The following ANKFN1 variants were observed in gnomAD, a reference collection of about 807,000 sequenced individuals.
The protein encoded by ANKFN1 is ankyrin repeat and fibronectin type III domain containing 1, also known as ankyrin repeat and fibronectin type-III domain-containing protein 1.
ANKFN1 carries 74 observed loss-of-function variants against 108.7 expected under a neutral mutation model. That is an observed-to-expected ratio of 0.68 (90% CI 0.56 to 0.83). ANKFN1 has a LOEUF of 0.83. Ranked by LOEUF, ANKFN1 falls within the 40% of genes least tolerant of loss-of-function variation. The probability of loss-of-function intolerance (pLI) is 0.00; values close to 1 mark genes in which losing one functional copy is unlikely to be tolerated. For synonymous variants in ANKFN1, 547 were observed against 516.2 expected (o/e 1.06, Z -0.81); for missense variants, 1,505 against 1,382.3 (o/e 1.09, Z -1.41).
intron 4 of ANKFN1, among the ~76,000 whole-genome samples, chr17:56,330,145 T>C (rs34788074): frequency 0.5 from 75,896 of 152,074 alleles, 19,336 homozygotes; most frequent in Middle Eastern, 0.57. Context: ...CTCACACTGC[T>C]ACTAAATGAA....
intron 1 of ANKFN1, among the ~76,000 whole-genome samples, chr17:56,184,142 G>C (rs1163920867): frequency 1.3e-5 from 2 of 152,120 alleles, no homozygotes; most frequent in African/African-American, 4.8e-5. Context: ...GTTCTGCTGT[G>C]GGTAAAATGC....
chr17:56,391,137 G>A (rs1273646376), intron 8 of ANKFN1, among the ~76,000 whole-genome samples: 3 of 149,090 alleles, frequency 2.0e-5, no homozygotes, highest in Non-Finnish European at 3.0e-5. Context: ...AAACCAAGCT[G>A]CACATTGGAA....
intron 4 of ANKFN1, among the ~76,000 whole-genome samples, chr17:56,347,100 A>AT (rs2046125186): frequency 6.6e-6 from 1 of 151,522 alleles, no homozygotes; most frequent in African/African-American, 2.4e-5. Flanking sequence ...ATTAATCTTT[A>AT]TTCCACCCTT....
intron 3 of ANKFN1, among the ~76,000 whole-genome samples, chr17:56,288,154 C>T (rs2044266962): frequency 1.3e-5 from 2 of 151,824 alleles, no homozygotes; most frequent in African/African-American, 4.8e-5. Context: ...TCATACAGCA[C>T]AAAAAATGAA....
At chr17:56,336,847 G>T (rs969570433) in intron 4 of ANKFN1, among the ~76,000 whole-genome samples, 3 of 152,112 alleles carry the variant, frequency 2.0e-5, no homozygotes, top group African/African-American at 7.2e-5. Context: ...GCTTTCTCTT[G>T]TGGGCATTTA....
chr17:56,131,542 T>G (rs1403183826), intron 4 of ANKFN1, among the ~76,000 whole-genome samples: 2 of 152,244 alleles, frequency 1.3e-5, no homozygotes, highest in Non-Finnish European at 2.9e-5. Flanking sequence ...TAGAGTTTGG[T>G]CTGTTCTAGT....
chr17:56,389,200 C>T (rs1172480375), intron 8 of ANKFN1, among the ~76,000 whole-genome samples: 1 of 152,106 alleles, frequency 6.6e-6, no homozygotes, highest in African/African-American at 2.4e-5. Context: ...GTGGTATATC[C>T]ATACCATGGA....
intron 4 of ANKFN1, among the ~76,000 whole-genome samples, chr17:56,052,107 G>T (rs957293472): frequency 6.6e-6 from 1 of 151,768 alleles, no homozygotes; most frequent in Non-Finnish European, 1.5e-5. Flanking sequence ...AGCCCGCATT[G>T]CCAAGTCAAT....
At chr17:56,208,346 C>A (rs1914698524) in intron 1 of ANKFN1, among the ~76,000 whole-genome samples, 8 of 152,174 alleles carry the variant, frequency 5.3e-5, no homozygotes, top group Admixed American at 5.2e-4. Context: ...TCAATCTCAG[C>A]ACTACTGACG....
At chr17:56,348,840 C>G (rs1253535556) in intron 4 of ANKFN1, among the ~76,000 whole-genome samples, 1 of 152,082 alleles carries the variant, frequency 6.6e-6, no homozygotes, top group Non-Finnish European at 1.5e-5. Flanking sequence ...GGTGATTCCT[C>G]AAATACCTAG....
intron 4 of ANKFN1, among the ~76,000 whole-genome samples, chr17:56,116,701 C>T (rs1431021413): frequency 6.6e-6 from 1 of 152,134 alleles, no homozygotes; most frequent in Non-Finnish European, 1.5e-5. Context: ...ACCTGCAGAA[C>T]CTTGAGCCAA....
intron 4 of ANKFN1, among the ~76,000 whole-genome samples, chr17:56,344,580 T>C (rs536094108): frequency 1.3e-5 from 2 of 152,122 alleles, no homozygotes; most frequent in East Asian, 3.9e-4. Context: ...ATGACAGAGC[T>C]TTTCAAAGCT....
intron 1 of ANKFN1, among the ~76,000 whole-genome samples, chr17:56,170,133 T>A (rs752411245): frequency 6.6e-6 from 1 of 152,072 alleles, no homozygotes; most frequent in Non-Finnish European, 1.5e-5. Flanking sequence ...AAAACAAATA[T>A]GGAAGAATAT....
intron 15 of ANKFN1, among the ~76,000 whole-genome samples, chr17:56,469,535 A>C (rs1055457332): frequency 6.6e-6 from 1 of 152,020 alleles, no homozygotes; most frequent in Non-Finnish European, 1.5e-5. Flanking sequence ...CTGCTACATC[A>C]CATCACATTC....
rs2051399645 is a variant in ANKFN1 at position 56,502,313 on chromosome 17, T to C, written c.2644+3215T>C. Among the ~76,000 whole-genome samples, 5 of 152,276 alleles carry C rather than the reference T, an allele frequency of 3.3e-5. No homozygotes were observed. The South Asian group carries it at 8.3e-4, about 25-fold the overall frequency. ...GCCACAGAAGTGCCAAACTCTCACG[T>C]TGGCCTGAAGACGGGTTGCACCACT... On this transcript the variant is annotated intron_variant, in intron 20 of 20. Transcript: ENST00000682825.
intron 4 of ANKFN1, among the ~76,000 whole-genome samples, chr17:56,059,010 A>G (rs1266784812): frequency 6.6e-6 from 1 of 152,206 alleles, no homozygotes; most frequent in Non-Finnish European, 1.5e-5. Flanking sequence ...GAGTCACCAT[A>G]CTATCTTCCA....
At chr17:56,423,440 A>G (rs955754463) in intron 8 of ANKFN1, among the ~76,000 whole-genome samples, 2 of 152,206 alleles carry the variant, frequency 1.3e-5, no homozygotes, top group Non-Finnish European at 1.5e-5. Context: ...CCCTCCTTAC[A>G]CCAACACTGG....
chr17:56,188,969 G>A (rs561462529), intron 1 of ANKFN1, among the ~76,000 whole-genome samples: 1 of 151,862 alleles, frequency 6.6e-6, no homozygotes, highest in South Asian at 2.1e-4. Flanking sequence ...ATGTGGTGAA[G>A]CCTCTGTAAA....
rs116623396 is a variant in ANKFN1, at chr17:56,334,092, A to C, written c.188+7737A>C. 8.1e-3 allele frequency among the ~76,000 whole-genome samples: 1,236 copies of C among 152,298 alleles called. 14 individuals carry two copies. Among genetic ancestry groups the C allele is most frequent in the African/African-American group, 0.029 (1,186 of 41,576 alleles). ...TAACATCTAACAATTGAATAAATGA[A>C]TAGTGGCATATCCATACAATGGAAT... is the stretch of plus-strand genomic sequence containing the variant. On this transcript the variant is annotated intron_variant, in intron 4 of 20. Transcript: ENST00000682825.
Sources: gnomAD v4.1 joint callset for allele counts (sites outside exome capture counted in the v4.1 genomes callset) on GRCh38, gnomAD v4.1.1 for gene constraint, MANE v1.5 for transcripts, NCBI Gene and HGNC (gene_info 2026-07-23, HGNC 2026-07-21) for gene names.